PPP2R3A: variants seen among roughly 807,000 people sequenced by gnomAD.
PPP2R3A encodes the protein protein phosphatase 2 regulatory subunit B''alpha.
PPP2R3A carries 80 observed loss-of-function variants against 106.9 expected under a neutral mutation model. That is an observed-to-expected ratio of 0.75 (90% CI 0.62 to 0.90). The LOEUF (loss-of-function observed/expected upper bound fraction) is 0.90, where lower values mean the gene tolerates loss of function less well. Ranked by LOEUF, PPP2R3A falls within the 40% of genes least tolerant of loss-of-function variation. The pLI is 0.00. For missense variants in PPP2R3A, 1,386 were observed against 1,350.4 expected (o/e 1.03, Z -0.41); for synonymous variants, 483 against 468.3 (o/e 1.03, Z -0.41).
At chr3:136,113,653 AGTGT>A (rs767195076) in intron 13 of PPP2R3A, among the ~76,000 whole-genome samples, 2 of 151,970 alleles carry the variant, frequency 1.3e-5, no homozygotes, top group Non-Finnish European at 2.9e-5. Flanking sequence ...AAAACAAAAC[AGTGT>A]GGTAGCACTT....
chr3:136,135,783 G>C (rs1182592985), intron 13 of PPP2R3A, among the ~76,000 whole-genome samples: 1 of 152,032 alleles, frequency 6.6e-6, no homozygotes, highest in Non-Finnish European at 1.5e-5. Context: ...CACTGCAGTG[G>C]CTCACGCCTG....
Position 135,997,968 on chromosome 3 carries a change from C to T in PPP2R3A, c.-440-3091C>T, listed in dbSNP as rs182406482. Among the ~76,000 whole-genome samples the T allele has an allele frequency of 3.0e-4, 46 of 152,324 alleles. No homozygotes were observed. In the Middle Eastern group the frequency reaches 0.01, roughly 34 times the overall value. On this transcript the variant is annotated intron_variant, in intron 1 of 13. Coordinates refer to ENST00000264977, the MANE Select transcript of PPP2R3A (RefSeq NM_002718.5). ...TTCTGTAACAAATTTCATCGTGTTA[C>T]TCTTACTCTCTAGCCTAAAAGTCTT...
At chr3:135,975,964 A>T (rs1390486771) in intron 1 of PPP2R3A, among the ~76,000 whole-genome samples, 6 of 152,190 alleles carry the variant, frequency 3.9e-5, no homozygotes, top group Admixed American at 6.5e-5. Flanking sequence ...CTCTCTTAAA[A>T]GTTGTACAAA....
chr3:136,035,860 T>C (rs1008857804), intron 3 of PPP2R3A, among the ~76,000 whole-genome samples: 1 of 152,198 alleles, frequency 6.6e-6, no homozygotes, highest in African/African-American at 2.4e-5. Context: ...GGAACACCAA[T>C]CAATCTTAGG....
At chr3:136,121,412 G>A (rs915550625) in intron 13 of PPP2R3A, among the ~76,000 whole-genome samples, 2 of 152,090 alleles carry the variant, frequency 1.3e-5, no homozygotes, top group Non-Finnish European at 2.9e-5. Flanking sequence ...GAAGGGAACA[G>A]TAGACACCAG....
rs920597853 is a variant in PPP2R3A, at chr3:136,026,857, C to T, written c.2021C>T (p.Pro674Leu). The change falls in exon 3 of 14, where the codon CCT becomes CTT. Residue 674 changes from proline to leucine, a missense_variant. By Grantham distance (98) the Pro-to-Leu change is moderately conservative. Coordinates refer to ENST00000264977, the MANE Select transcript of PPP2R3A (RefSeq NM_002718.5). ...ATTCAAAATAAACCAGAAAAGAAAC[C>T]TGGAACACCACTCCCACCTCCAGCC... ...IKIQNKPEKK[P>L]GTPLPPPATS... 1.2e-6 allele frequency: 2 copies of T among 1,609,556 alleles called. No homozygotes were observed. Among genetic ancestry groups the T allele is most frequent in the African/African-American group, 2.7e-5 (2 of 74,648 alleles).
intron 2 of PPP2R3A, among the ~76,000 whole-genome samples, chr3:136,025,163 C>G (rs1256837030): frequency 1.3e-5 from 2 of 152,124 alleles, no homozygotes; most frequent in Non-Finnish European, 2.9e-5. Flanking sequence ...AAACCTTTTA[C>G]CTATATTACA....
intron 6 of PPP2R3A, among the ~76,000 whole-genome samples, chr3:136,077,878 A>G (rs1440973769): frequency 1.3e-5 from 2 of 152,246 alleles, no homozygotes; most frequent in African/African-American, 2.4e-5. Context: ...TTGAATTTCC[A>G]TAGAGTCTAG....
chr3:135,969,170 T>C (rs932780291), intron 1 of PPP2R3A, among the ~76,000 whole-genome samples: 6 of 152,216 alleles, frequency 3.9e-5, no homozygotes, highest in African/African-American at 1.2e-4. Context: ...TTATAAAATA[T>C]TCTGGTCATA....
intron 5 of PPP2R3A, among the ~76,000 whole-genome samples, chr3:136,057,788 C>T (rs546735943): frequency 9.2e-5 from 14 of 151,886 alleles, no homozygotes; most frequent in Non-Finnish European, 1.3e-4. Context: ...ATCAAAAAGA[C>T]GAAAGATAAC....
At chr3:136,018,268 A>G (rs776223354) in intron 2 of PPP2R3A, among the ~76,000 whole-genome samples, 1 of 152,342 alleles carries the variant, frequency 6.6e-6, no homozygotes, top group African/African-American at 2.4e-5. Context: ...CCCTGTCTCA[A>G]AAAAATAAAG....
At chr3:136,110,761 A>G (rs1937580505) in intron 13 of PPP2R3A, among the ~76,000 whole-genome samples, 1 of 152,254 alleles carries the variant, frequency 6.6e-6, no homozygotes, top group Non-Finnish European at 1.5e-5. Context: ...TTCAAACTTA[A>G]AAATGTAAAA....
chr3:136,049,583 TA>T (rs1935603681), intron 5 of PPP2R3A, among the ~76,000 whole-genome samples: 2 of 129,614 alleles, frequency 1.5e-5, no homozygotes, highest in African/African-American at 3.2e-5. Flanking sequence ...CCCATAGTAG[TA>T]AAAGAGCTAC....
intron 2 of PPP2R3A, among the ~76,000 whole-genome samples, chr3:136,021,971 G>A (rs538701383): frequency 7.9e-5 from 12 of 152,202 alleles, no homozygotes; most frequent in African/African-American, 2.6e-4. Context: ...AGAGACTTGA[G>A]CAGCTGTGGA....
chr3:135,979,236 G>A (rs746172783), intron 1 of PPP2R3A, among the ~76,000 whole-genome samples: 3 of 151,422 alleles, frequency 2.0e-5, no homozygotes, highest in Admixed American at 6.6e-5. Flanking sequence ...AAAATTAGCC[G>A]GGTGTGATGG....
chr3:136,141,196 A>G (rs541239001), intron 13 of PPP2R3A, among the ~76,000 whole-genome samples: 1 of 152,366 alleles, frequency 6.6e-6, no homozygotes, highest in East Asian at 1.9e-4. Context: ...AGGAGTTGCA[A>G]CTTATGGTGC....
At chr3:136,141,582 G>A (rs1230274678) in intron 13 of PPP2R3A, among the ~76,000 whole-genome samples, 3 of 152,234 alleles carry the variant, frequency 2.0e-5, no homozygotes, top group African/African-American at 7.2e-5. Context: ...AATCAGAGAT[G>A]TGGTTAATTA....
chr3:136,014,243 A>G (rs916809925), intron 2 of PPP2R3A, among the ~76,000 whole-genome samples: 1 of 152,124 alleles, frequency 6.6e-6, no homozygotes, highest in Admixed American at 6.5e-5. Context: ...GTTTGAAGTC[A>G]GGTAATGTGA....
chr3:136,059,777 C>T (rs758679513), intron 5 of PPP2R3A, among the ~76,000 whole-genome samples: 1 of 152,132 alleles, frequency 6.6e-6, no homozygotes, highest in Non-Finnish European at 1.5e-5. Flanking sequence ...GATATATATA[C>T]CCTATGGAAT....
Sources: allele counts gnomAD v4.1 joint callset (sites outside exome capture counted in the v4.1 genomes callset), GRCh38; gene constraint gnomAD v4.1.1; transcripts MANE v1.5; gene names NCBI Gene and HGNC (gene_info 2026-07-23, HGNC 2026-07-21).